The following SERPINB8 variants were observed in gnomAD, a reference collection of about 807,000 sequenced individuals.
The protein encoded by SERPINB8 is serpin B8.
SERPINB8 carries 25 observed loss-of-function variants against 35.3 expected under a neutral mutation model. That is an observed-to-expected ratio of 0.71 (90% CI 0.52 to 0.99). SERPINB8 has a LOEUF of 0.99. Among genes scored for constraint, SERPINB8 ranks in the 50% least tolerant of loss-of-function variants. The pLI is 0.00. For missense variants in SERPINB8, 484 were observed against 446.5 expected, an observed-to-expected ratio of 1.08 and a Z score of -0.76; for synonymous variants, 186 against 160.8, an observed-to-expected ratio of 1.16 and a Z score of -1.19.
chr18:63,991,544 T>A (rs1017147423), downstream of SERPINB8, among the ~76,000 whole-genome samples: 1 of 144,888 alleles, frequency 6.9e-6, no homozygotes, highest in Non-Finnish European at 1.5e-5. Flanking sequence ...ATAATACAGG[T>A]TTTTTTTTGT....
At chr18:63,997,490 CT>C (rs1262601239) in intron 1 of SERPINB8, among the ~76,000 whole-genome samples, 1 of 152,192 alleles carries the variant, frequency 6.6e-6, no homozygotes, top group Non-Finnish European at 1.5e-5. Context: ...ATACAAGGAC[CT>C]TCTGGGCCAC....
At position 63,987,377 on chromosome 18, in the gene SERPINB8, A is replaced by C. The variant is rs940694532; in HGVS notation, c.*99A>C. 1.6e-6 allele frequency: 2 copies of C among 1,242,038 alleles called. No homozygotes were observed. Among genetic ancestry groups the C allele is most frequent in the African/African-American group, 3.0e-5 (2 of 66,574 alleles). The allele number at this position is 1,242,038 out of a possible 1,614,324, so 76.9% of individuals were successfully genotyped here. A position where few individuals can be genotyped will look rare whatever the true frequency, so the allele number is the denominator to read the frequency against. On this transcript the variant is annotated 3_prime_UTR_variant, in exon 7 of 7. Transcript: ENST00000397985. The stretch of plus-strand genomic sequence containing the variant: ...GTTGGTGCAGTGGCTTGAATGCCAA[A>C]ATAAAGCGTGTGCACTGGATAGTGT...
At chr18:64,017,069 T>C (rs138928200) in intron 7 of SERPINB8, among the ~76,000 whole-genome samples, 22 of 152,328 alleles carry the variant, frequency 1.4e-4, no homozygotes, top group Admixed American at 5.2e-4. Context: ...CTAGCTCTAC[T>C]GCTTTAGTCT....
downstream of SERPINB8, among the ~76,000 whole-genome samples, chr18:64,008,777 G>A (rs1230575648): frequency 2.0e-5 from 3 of 151,934 alleles, no homozygotes; most frequent in African/African-American, 7.3e-5. Flanking sequence ...TGCAAATCAC[G>A]ATAGGCCATA....
chr18:63,986,904 A>G lies in SERPINB8; in HGVS notation c.751A>G (p.Lys251Glu), dbSNP rs1339947289. The G allele has an allele frequency of 1.2e-6, 2 of 1,611,818 alleles. No homozygotes were observed. The highest frequency in any genetic ancestry group is 2.2e-5 in the South Asian group (2 of 90,600). Residue 251 changes from lysine (K) to glutamate (E), a missense_variant, in exon 7 of 7, where the codon AAA becomes GAA. By Grantham distance (56) the Lys-to-Glu change is moderately conservative. Transcript: ENST00000397985. The stretch of plus-strand genomic sequence containing the variant: ...AAAAGCACTTACATATGAGAAATTC[A>G]AAGCCTGGACAAATTCAGAAAAGTT... ...VEKALTYEKF[K>E]AWTNSEKLTK...
chr18:63,986,946 C>T lies in SERPINB8; in HGVS notation c.793C>T (p.Gln265Ter), dbSNP rs2050765266. The change falls in exon 7 of 7, where the codon CAA becomes TAA. Residue 265 changes from glutamine (Q) to a stop codon, truncating the protein, a stop_gained. Coordinates refer to ENST00000397985, the MANE Select transcript of SERPINB8 (RefSeq NM_002640.4). LOFTEE classifies it high-confidence loss of function. Reference sequence around the variant, plus strand: ...AGAAAAGTTGACAAAAAGTAAGGTTCAAGTTTTCCTTCCCAGATTAAAGCT... The same window carrying T: ...AGAAAAGTTGACAAAAAGTAAGGTTTAAGTTTTCCTTCCCAGATTAAAGCT... ...NSEKLTKSKV[Q>*]VFLPRLKLEE... 1.2e-6 allele frequency: 2 copies of T among 1,614,136 alleles called. No homozygotes were observed. The highest frequency in any genetic ancestry group is 1.7e-6 in the Non-Finnish European group (2 of 1,180,018).
intron 7 of SERPINB8, among the ~76,000 whole-genome samples, chr18:64,018,370 A>G (rs1467350555): frequency 1.3e-5 from 2 of 152,220 alleles, no homozygotes; most frequent in Non-Finnish European, 2.9e-5. Context: ...AAACCCTTAA[A>G]AGTGTTTTCA....
At chr18:63,989,820 G>A (rs2050812511), downstream of SERPINB8, among the ~76,000 whole-genome samples, 1 of 150,216 alleles carries the variant, frequency 6.7e-6, no homozygotes, top group African/African-American at 2.4e-5. Context: ...GTGGGCGCCT[G>A]TAGTCCCAGC....
intron 4 of SERPINB8, 59 bp downstream of exon 4, chr18:63,981,897 T>C (rs2050678352): frequency 6.3e-6 from 8 of 1,260,866 alleles, no homozygotes; most frequent in Admixed American, 1.8e-5. Flanking sequence ...TTAGATTGAC[T>C]GGGATGGGAC....
intron 2 of SERPINB8, among the ~76,000 whole-genome samples, chr18:63,979,113 A>T (rs1196833685): frequency 6.6e-6 from 1 of 152,220 alleles, no homozygotes; most frequent in Non-Finnish European, 1.5e-5. Context: ...AGGAGTGTAT[A>T]GACAGTCTCC....
At chr18:64,012,571 ATG>A (rs1555659853) in intron 7 of SERPINB8, among the ~76,000 whole-genome samples, 208 of 90,144 alleles carry the variant, frequency 2.3e-3, no homozygotes, top group African/African-American at 5.5e-3. Context: ...CTGTGTATGT[ATG>A]TGTGTGTGTG....
At chr18:63,972,855 G>A (rs747761671) in intron 1 of SERPINB8, among the ~76,000 whole-genome samples, 10 of 152,080 alleles carry the variant, frequency 6.6e-5, no homozygotes, top group Admixed American at 3.3e-4. Context: ...ATTCCATGGT[G>A]TATATATGCC....
chr18:64,002,909 A>C (rs28378135), intron 1 of SERPINB8, among the ~76,000 whole-genome samples: 2 of 152,150 alleles, frequency 1.3e-5, no homozygotes, highest in Admixed American at 6.5e-5. Context: ...AAGGCCCCCA[A>C]GCCGGCGGGG....
At chr18:64,012,571 A>ATGTGTG in intron 7 of SERPINB8, among the ~76,000 whole-genome samples, 1 of 90,126 alleles carries the variant, frequency 1.1e-5, no homozygotes, top group East Asian at 3.0e-4. Flanking sequence ...CTGTGTATGT[A>ATGTGTG]TGTGTGTGTG....
chr18:64,001,175 A>G (rs189361310), intron 1 of SERPINB8, among the ~76,000 whole-genome samples: 3 of 152,180 alleles, frequency 2.0e-5, no homozygotes, highest in African/African-American at 4.8e-5. Context: ...TGTAGACAGT[A>G]TATGTTTGGG....
At chr18:64,014,515 GAAGA>G (rs1331296838) in intron 7 of SERPINB8, among the ~76,000 whole-genome samples, 1 of 152,190 alleles carries the variant, frequency 6.6e-6, no homozygotes, top group East Asian at 1.9e-4. Flanking sequence ...GAAGACCTCA[GAAGA>G]GAGAGTGTGG....
At chr18:63,999,816 A>G (rs1369517661) in intron 1 of SERPINB8, among the ~76,000 whole-genome samples, 1 of 152,128 alleles carries the variant, frequency 6.6e-6, no homozygotes. Flanking sequence ...GAGCTCCAGA[A>G]CCAAGCCTAC....
intron 1 of SERPINB8, among the ~76,000 whole-genome samples, chr18:63,973,951 G>T (rs533273126): frequency 6.6e-6 from 1 of 152,304 alleles, no homozygotes; most frequent in Non-Finnish European, 1.5e-5. Context: ...TTTTGCTTAG[G>T]ATTGTCTTGG....
intron 4 of SERPINB8, among the ~76,000 whole-genome samples, chr18:63,982,068 G>A (rs147452991): frequency 9.2e-5 from 14 of 152,258 alleles, no homozygotes; most frequent in African/African-American, 1.7e-4. Context: ...CCTGTGGACC[G>A]TGCTGGAAAA....
Sources: gnomAD v4.1 joint callset for allele counts (sites outside exome capture counted in the v4.1 genomes callset) on GRCh38, gnomAD v4.1.1 for gene constraint, MANE v1.5 for transcripts, NCBI Gene and HGNC (gene_info 2026-07-23, HGNC 2026-07-21) for gene names.